The following RBM47 variants were observed in gnomAD, a reference collection of about 807,000 sequenced individuals.
RBM47 encodes RNA-binding protein 47.
Under a neutral mutation model 47.1 loss-of-function variants are expected in RBM47, and 21 were observed. The ratio of observed to expected loss-of-function variants is 0.45; its 90% CI spans 0.32 to 0.64. The LOEUF (loss-of-function observed/expected upper bound fraction) is 0.64. RBM47 is among the 30% of genes least tolerant of loss of function. The pLI is 0.05. For synonymous variants in RBM47, 375 were observed against 361.7 expected (o/e 1.04, Z -0.42); for missense variants, 708 against 870.9 (o/e 0.81, Z 2.35).
intron 2 of RBM47, among the ~76,000 whole-genome samples, chr4:40,539,268 C>G (rs1056388215): frequency 6.6e-6 from 1 of 152,052 alleles, no homozygotes; most frequent in Non-Finnish European, 1.5e-5. Context: ...GTGACAGTTC[C>G]CTACCAGTGG....
In RBM47 at chr4:40,537,978, T is replaced by C. The variant is rs1289320135; in HGVS notation, c.-155+6444A>G. On this transcript the variant is annotated intron_variant, in intron 2 of 6. Coordinates refer to ENST00000295971, the MANE Select transcript of RBM47 (RefSeq NM_001098634.2). ...CCTCAGCCTCCCAAGTAGCTAGGAC[T>C]ACAGGCGTGTGCGTGTGCCACCATG... Among the ~76,000 whole-genome samples the C allele has an allele frequency of 6.3e-5, 7 of 110,328 alleles. No homozygotes were observed. In the East Asian group the frequency reaches 1.4e-3, roughly 23 times the overall value. 72.4% of individuals were successfully genotyped at this position (110,328 alleles called of 152,430 possible).
rs1716340938 is a variant in RBM47, at chr4:40,432,680, G to T, written c.1513C>A (p.Pro505Thr). 2.5e-6 allele frequency: 4 copies of T among 1,610,600 alleles called. No individual in the cohort carries two copies. Among genetic ancestry groups the T allele is most frequent in the Admixed American group, 1.7e-5 (1 of 59,274 alleles). ...AAAGGTGGTGGCGTCGACACAGTGGGAATGACAGCGGCTGCGGCGGCTGCG... is the reference window on the plus strand; with the variant it reads ...AAAGGTGGTGGCGTCGACACAGTGGTAATGACAGCGGCTGCGGCGGCTGCG... ...AAAAAAAAVIPTVSTPPPFQG... is the reference protein window; with the variant it reads ...AAAAAAAAVITTVSTPPPFQG... Residue 505 changes from proline to threonine, a missense_variant, in exon 6 of 7, where the codon CCC becomes ACC. Pro to Thr is a conservative substitution (Grantham distance 38, BLOSUM62 -1). Transcript: ENST00000295971.
In RBM47 at chr4:40,628,730, T is replaced by C. The variant is rs1298980115; in HGVS notation, c.-240+666A>G. Among the ~76,000 whole-genome samples the C allele has an allele frequency of 6.6e-6, 1 of 152,204 alleles. No individual in the cohort carries two copies. Among genetic ancestry groups the C allele is most frequent in the Non-Finnish European group, 1.5e-5 (1 of 68,032 alleles). ...TGTAAGTACCTTGAAGATGGTATCT[T>C]CCTATCACTTATGCCTTGGGACAGT... On this transcript the variant is annotated intron_variant, in intron 1 of 6. Coordinates refer to ENST00000295971, the MANE Select transcript of RBM47 (RefSeq NM_001098634.2). This position sits in a 1 kb window ranked among gnomAD's most constrained non-coding sequence, Gnocchi z 4.0.
At chr4:40,515,081 T>C (rs1725413404) in intron 2 of RBM47, among the ~76,000 whole-genome samples, 1 of 152,202 alleles carries the variant, frequency 6.6e-6, no homozygotes, top group Admixed American at 6.5e-5. Flanking sequence ...CAAAGGTACT[T>C]CCCATTTTCC....
chr4:40,484,779 G>C (rs1282141089), intron 2 of RBM47, among the ~76,000 whole-genome samples: 2 of 152,014 alleles, frequency 1.3e-5, no homozygotes, highest in Non-Finnish European at 2.9e-5. Context: ...TCCTCCAAAA[G>C]GATTTTTTTT....
intron 3 of RBM47, among the ~76,000 whole-genome samples, chr4:40,462,605 G>T (rs1035971580): frequency 6.6e-6 from 1 of 151,884 alleles, no homozygotes; most frequent in African/African-American, 2.4e-5. Flanking sequence ...TTCCCCAAAC[G>T]CTTGCTTTCA....
chr4:40,513,438 A>G (rs938822082), intron 2 of RBM47, among the ~76,000 whole-genome samples: 3 of 152,144 alleles, frequency 2.0e-5, no homozygotes, highest in Non-Finnish European at 2.9e-5. Context: ...AGATTTTCCT[A>G]TAACTGTTTG....
Position 40,424,174 on chromosome 4 carries a change from C to A in RBM47, c.*1730G>T, listed in dbSNP as rs1012080794. 2.6e-5 allele frequency: 4 copies of A among 152,238 alleles called. No homozygotes were observed. Among genetic ancestry groups the A allele is most frequent in the African/African-American group, 7.2e-5 (3 of 41,436 alleles). The allele number at this position is 152,238 out of a possible 1,614,324, so 9.4% of individuals were successfully genotyped here. ...CAAAAGTACTTGCTAAGGGCATGAT[C>A]CTCTTATGAATCCACAAGAATTCAG... On this transcript the variant is annotated 3_prime_UTR_variant, in exon 7 of 7. Transcript: ENST00000295971.
At position 40,432,733 on chromosome 4, in the gene RBM47, G is replaced by A; in HGVS notation, c.1460C>T (p.Ala487Val). 6.2e-7 allele frequency: 1 copy of A among 1,612,702 alleles called. No homozygotes were observed. Among genetic ancestry groups the A allele is most frequent in the Non-Finnish European group, 8.5e-7 (1 of 1,179,742 alleles). ...ISPIAVQPDPASAAAAAAAAA... is the reference protein window; with the variant it reads ...ISPIAVQPDPVSAAAAAAAAA... ...CGCGGCTGCGGCGGCAGCAGCACTG[G>A]CTGGGTCTGGCTGCACAGCAATGGG... Residue 487 changes from alanine (A) to valine (V), a missense_variant, in exon 6 of 7, where the codon GCC becomes GTC. Coordinates refer to ENST00000295971, the MANE Select transcript of RBM47 (RefSeq NM_001098634.2).
At chr4:40,595,418 C>T (rs1439837561) in intron 1 of RBM47, among the ~76,000 whole-genome samples, 2 of 151,904 alleles carry the variant, frequency 1.3e-5, no homozygotes, top group African/African-American at 2.4e-5. Context: ...TGCTTGAACC[C>T]GGGAGGTGGA....
chr4:40,542,319 G>T (rs1728630250), intron 2 of RBM47, among the ~76,000 whole-genome samples: 1 of 151,830 alleles, frequency 6.6e-6, no homozygotes, highest in South Asian at 2.1e-4. Context: ...CATAGCTCAT[G>T]CTATTCCTTG....
At chr4:40,520,443 C>T (rs1726090121) in intron 2 of RBM47, among the ~76,000 whole-genome samples, 1 of 151,730 alleles carries the variant, frequency 6.6e-6, no homozygotes, top group Non-Finnish European at 1.5e-5. Flanking sequence ...TGCTCTATCG[C>T]CCCAGGCCTA....
intron 6 of RBM47, among the ~76,000 whole-genome samples, chr4:40,430,266 T>C (rs1715774458): frequency 6.6e-6 from 1 of 151,112 alleles, no homozygotes; most frequent in Non-Finnish European, 1.5e-5. Flanking sequence ...AAAACCCTGA[T>C]GGCAACAGCC....
chr4:40,592,936 C>T (rs1193780198), intron 1 of RBM47, among the ~76,000 whole-genome samples: 3 of 39,724 alleles, frequency 7.6e-5, no homozygotes, highest in East Asian at 1.2e-3. Context: ...CAATTTGGGA[C>T]ATATATATAT....
At position 40,432,534 on chromosome 4, in the gene RBM47, C is replaced by T. The variant is rs997398374; in HGVS notation, c.1542+117G>A. ...ATTCAAAATGCTTTGTGTCACCCAA[C>T]CATAGCTGTAACAGAGAGCCAGGCA... On this transcript the variant is annotated intron_variant, in intron 6 of 6. Coordinates refer to ENST00000295971, the MANE Select transcript of RBM47 (RefSeq NM_001098634.2). The T allele has an allele frequency of 2.0e-6, 3 of 1,520,626 alleles. No homozygotes were observed. In the African/African-American group the frequency reaches 4.3e-5, roughly 22 times the overall value. 94.2% of individuals were successfully genotyped at this position (1,520,626 alleles called of 1,614,324 possible).
chr4:40,454,210 C>T (rs1009461125), intron 3 of RBM47, among the ~76,000 whole-genome samples: 4 of 152,226 alleles, frequency 2.6e-5, no homozygotes, highest in Admixed American at 2.6e-4. Flanking sequence ...ACCTTTACTG[C>T]AAACATTTGC....
In RBM47 at chr4:40,425,906, A is replaced by C. The variant is rs1280822506; in HGVS notation, c.1780T>G (p.Ter594GlyextTer3). ...TGTCTTCGTGCTGGTCACCAGCCTC[A>C]GTATGTCTGGTAGACGTCGGGGATG... ...VPIPDVYQTY[*>G] The change falls in exon 7 of 7, where the codon TGA becomes GGA. Residue 594 changes from the stop codon to glycine, a stop_lost. Coordinates refer to ENST00000295971, the MANE Select transcript of RBM47 (RefSeq NM_001098634.2). The C allele has an allele frequency of 1.2e-6, 2 of 1,614,122 alleles. No homozygotes were observed. Among genetic ancestry groups the C allele is most frequent in the Middle Eastern group, 1.7e-4 (1 of 6,054 alleles).
In RBM47 at chr4:40,438,784, G is replaced by T; in HGVS notation, c.110C>A (p.Ala37Glu). The change falls in exon 4 of 7, where the codon GCG becomes GAG. Residue 37 changes from alanine to glutamate, a missense_variant. Coordinates refer to ENST00000295971, the MANE Select transcript of RBM47 (RefSeq NM_001098634.2). ...GCTGTAGCCCGTGCGCTCCATCAGC[G>T]CCAGCAGTGCTGCCTCGTTGGGCGC... ...AGAPNEAALL[A>E]LMERTGYSMV... The T allele has an allele frequency of 6.4e-7, 1 of 1,558,346 alleles. No homozygotes were observed.
chr4:40,487,552 A>C (rs548489863), intron 2 of RBM47, among the ~76,000 whole-genome samples: 1 of 152,168 alleles, frequency 6.6e-6, no homozygotes, highest in East Asian at 1.9e-4. Context: ...TGGCCTCCCA[A>C]ATTGTTGGGA....
Sources: allele counts gnomAD v4.1 joint callset (sites outside exome capture counted in the v4.1 genomes callset), GRCh38; gene constraint gnomAD v4.1.1; non-coding constraint Gnocchi (gnomAD v3.1); transcripts MANE v1.5; gene names NCBI Gene and HGNC (gene_info 2026-07-23, HGNC 2026-07-21).